TESC: variants seen among roughly 807,000 people sequenced by gnomAD.
TESC encodes tescalcin.
TESC carries 19 observed loss-of-function variants against 31.0 expected under a neutral mutation model. The observed-to-expected ratio is 0.61, with a 90% CI of 0.43 to 0.90. The LOEUF (loss-of-function observed/expected upper bound fraction) is 0.90. TESC is among the 40% of genes least tolerant of loss of function. The pLI, the probability that TESC is intolerant of heterozygous loss-of-function variation, is 0.00. For synonymous variants in TESC, 109 were observed against 114.8 expected (o/e 0.95, Z 0.32); for missense variants, 248 against 303.8 (o/e 0.82, Z 1.36).
intron 6 of TESC, among the ~76,000 whole-genome samples, chr12:117,045,795 C>T (rs1954549427): frequency 6.6e-6 from 1 of 152,212 alleles, no homozygotes; most frequent in Non-Finnish European, 1.5e-5. Context: ...CTGACTGCAT[C>T]AGTGGGGCCA....
Position 117,041,116 on chromosome 12 carries a change from G to C in TESC, c.567+831C>G, listed in dbSNP as rs1954477472. Among the ~76,000 whole-genome samples, 4 of 152,332 alleles carry C rather than the reference G, an allele frequency of 2.6e-5. No homozygotes were observed. In the South Asian group the frequency reaches 8.3e-4, roughly 32 times the overall value. ...AACGGCCAGGAGCAGGTCTTGATTT[G>C]CAAGGCCAGCACTGGCCTAACCACC... is the stretch of plus-strand genomic sequence containing the variant. On this transcript the variant is annotated intron_variant, in intron 7 of 7. Coordinates refer to ENST00000335209, the MANE Select transcript of TESC (RefSeq NM_017899.4).
At chr12:117,039,265 AC>A in intron 7 of TESC, 55 bp from the exon 8 acceptor site, 1 of 1,547,008 alleles carries the variant, frequency 6.5e-7, no homozygotes, top group Non-Finnish European at 8.8e-7. Context: ...CTCACACCTG[AC>A]CAGGCCCCCC....
chr12:117,095,016 CAA>C (rs758816373), intron 1 of TESC, among the ~76,000 whole-genome samples: 31,989 of 124,344 alleles, frequency 0.26, 4,241 homozygotes, highest in African/African-American at 0.41. Context: ...AAATTCATCT[CAA>C]AAAAAAAAAA....
intron 1 of TESC, among the ~76,000 whole-genome samples, chr12:117,096,776 A>C (rs1955401978): frequency 6.6e-6 from 1 of 152,144 alleles, no homozygotes. Context: ...CCACAGCCTG[A>C]GCCCTGACGA....
chr12:117,094,173 C>A (rs1261061729), intron 1 of TESC, among the ~76,000 whole-genome samples: 2 of 152,176 alleles, frequency 1.3e-5, no homozygotes, highest in Non-Finnish European at 2.9e-5. Context: ...TAGATGTGAG[C>A]CTTCTTGGCT....
intron 7 of TESC, among the ~76,000 whole-genome samples, chr12:117,041,203 G>C (rs977384018): frequency 6.6e-6 from 1 of 152,318 alleles, no homozygotes; most frequent in African/African-American, 2.4e-5. Flanking sequence ...GCCGCTTTAC[G>C]AAAGTGTCAT....
chr12:117,040,276 A>G (rs1323009878), intron 7 of TESC, among the ~76,000 whole-genome samples: 2 of 152,126 alleles, frequency 1.3e-5, no homozygotes. Flanking sequence ...TGCACGAGGC[A>G]TTCCCAGGGT....
intron 2 of TESC, among the ~76,000 whole-genome samples, chr12:117,073,690 C>T (rs1349127294): frequency 1.3e-5 from 2 of 152,162 alleles, no homozygotes; most frequent in African/African-American, 4.8e-5. Context: ...TTTTAGGAAA[C>T]TACATCTGTT....
chr12:117,094,174 C>G (rs1224958330), intron 1 of TESC, among the ~76,000 whole-genome samples: 1 of 152,186 alleles, frequency 6.6e-6, no homozygotes, highest in Non-Finnish European at 1.5e-5. Flanking sequence ...AGATGTGAGC[C>G]TTCTTGGCTC....
chr12:117,065,564 G>A (rs1283385153), intron 2 of TESC, among the ~76,000 whole-genome samples: 7 of 152,156 alleles, frequency 4.6e-5, no homozygotes, highest in Non-Finnish European at 7.4e-5. Flanking sequence ...TGAGTCAGGA[G>A]CTCAGGGGAG....
chr12:117,094,272 C>T lies in TESC; in HGVS notation c.58+4953G>A, dbSNP rs117409303. ...GGGAGAAGGAAGGTGGGCACGCAGACCTGATGATGCCCTGTGTGGCAAGCT... is the reference window on the plus strand; with the variant it reads ...GGGAGAAGGAAGGTGGGCACGCAGATCTGATGATGCCCTGTGTGGCAAGCT... On this transcript the variant is annotated intron_variant, in intron 1 of 7. Transcript: ENST00000335209. Among the ~76,000 whole-genome samples, 282 of 152,270 alleles carry T rather than the reference C, an allele frequency of 1.9e-3. 2 individuals carry two copies. In the East Asian group the frequency reaches 0.027, roughly 14 times the overall value.
At position 117,099,300 on chromosome 12, in the gene TESC, C is replaced by T. The variant is rs1055206599; in HGVS notation, c.-18G>A. Reference sequence around the variant, plus strand: ...GCGCCCATGGTGCCCGCGGCGGGGGCCCCGGGGCGCGCGTCCCTCTCAGGC... The same window carrying T: ...GCGCCCATGGTGCCCGCGGCGGGGGTCCCGGGGCGCGCGTCCCTCTCAGGC... On this transcript the variant is annotated 5_prime_UTR_variant, in exon 1 of 8. Transcript: ENST00000335209. The T allele has an allele frequency of 1.6e-5, 23 of 1,421,170 alleles. 1 individual carries two copies. The South Asian group carries it at 2.0e-4, about 12-fold the overall frequency. The allele number at this position is 1,421,170 out of a possible 1,614,324, so 88.0% of individuals were successfully genotyped here. A position where few individuals can be genotyped will look rare whatever the true frequency, so the allele number is the denominator to read the frequency against.
At chr12:117,054,999 C>T (rs1479580130) in intron 3 of TESC, among the ~76,000 whole-genome samples, 1 of 152,144 alleles carries the variant, frequency 6.6e-6, no homozygotes, top group East Asian at 1.9e-4. Context: ...TCACCTTAAA[C>T]AATACTGGAC....
At chr12:117,054,148 C>A (rs757474899) in intron 3 of TESC, among the ~76,000 whole-genome samples, 1 of 152,042 alleles carries the variant, frequency 6.6e-6, no homozygotes, top group Non-Finnish European at 1.5e-5. Flanking sequence ...CTATAACCTC[C>A]CAGGTGGCTC....
At chr12:117,083,495 C>A (rs754140675) in intron 1 of TESC, among the ~76,000 whole-genome samples, 1 of 151,570 alleles carries the variant, frequency 6.6e-6, no homozygotes, top group Non-Finnish European at 1.5e-5. Context: ...ATCCAAACGT[C>A]CATCAACAAA....
chr12:117,065,808 G>A (rs929180339), intron 2 of TESC, among the ~76,000 whole-genome samples: 2 of 152,132 alleles, frequency 1.3e-5, no homozygotes, highest in African/African-American at 4.8e-5. Flanking sequence ...CTTGAGCCTG[G>A]GTGGTTGAGG....
intron 1 of TESC, among the ~76,000 whole-genome samples, chr12:117,094,248 G>A (rs957411377): frequency 6.6e-6 from 1 of 152,210 alleles, no homozygotes; most frequent in Admixed American, 6.5e-5. Context: ...TAACAGGCAG[G>A]GAGAAGGAAG....
At chr12:117,045,281 C>T (rs572872399) in intron 6 of TESC, among the ~76,000 whole-genome samples, 7 of 152,236 alleles carry the variant, frequency 4.6e-5, no homozygotes, top group Admixed American at 3.9e-4. Flanking sequence ...GCCTCCGCCC[C>T]GAGATGCCTC....
chr12:117,075,445 AC>A, intron 1 of TESC, 105 bp from the exon 2 acceptor site: 2 of 1,193,506 alleles, frequency 1.7e-6, no homozygotes, highest in Non-Finnish European at 2.4e-6. Flanking sequence ...TGGCTGCCAC[AC>A]CCCTTCTCAA....
Sources: gnomAD v4.1 joint callset for allele counts (sites outside exome capture counted in the v4.1 genomes callset) on GRCh38, gnomAD v4.1.1 for gene constraint, MANE v1.5 for transcripts, NCBI Gene and HGNC (gene_info 2026-07-23, HGNC 2026-07-21) for gene names.